The following GLIPR1L1 variants were observed in gnomAD, a reference collection of about 807,000 sequenced individuals.
GLIPR1L1 encodes the protein GLIPR1 like 1, also known as GLIPR1-like protein 1.
GLIPR1L1 carries 26 observed loss-of-function variants against 29.9 expected under a neutral mutation model. The observed-to-expected ratio is 0.87, with a 90% confidence interval of 0.64 to 1.21. The LOEUF (loss-of-function observed/expected upper bound fraction) is 1.21, where lower values mean the gene tolerates loss of function less well. GLIPR1L1 is among the 50% of genes most tolerant of loss of function. The probability of loss-of-function intolerance (pLI) is 0.00; values close to 1 mark genes in which losing one functional copy is unlikely to be tolerated. For synonymous variants in GLIPR1L1, 77 were observed against 97.5 expected (o/e 0.79, Z 1.24); for missense variants, 305 against 290.3 (o/e 1.05, Z -0.37).
At chr12:75,341,599 A>G (rs1256251597) in intron 1 of GLIPR1L1, among the ~76,000 whole-genome samples, 4 of 150,166 alleles carry the variant, frequency 2.7e-5, no homozygotes, top group Non-Finnish European at 5.9e-5. Context: ...GGCGCCCGCC[A>G]CCACGCCCGC....
chr12:75,347,101 A>C (rs2042503812), intron 2 of GLIPR1L1, among the ~76,000 whole-genome samples: 1 of 151,640 alleles, frequency 6.6e-6, no homozygotes, highest in Admixed American at 6.6e-5. Flanking sequence ...CACCATCCTT[A>C]CAGCAGGCAT....
intron 3 of GLIPR1L1, chr12:75,360,659 G>A (rs1438203711): frequency 6.6e-6 from 1 of 152,200 alleles, no homozygotes; most frequent in Non-Finnish European, 1.5e-5. Context: ...TTTTCCTGGT[G>A]CATGGTGCAA....
intron 3 of GLIPR1L1, among the ~76,000 whole-genome samples, chr12:75,356,820 C>T (rs2043185960): frequency 6.6e-6 from 1 of 151,980 alleles, no homozygotes; most frequent in African/African-American, 2.4e-5. Context: ...TTCTTTTTTT[C>T]ACTTTGAATA....
intron 1 of GLIPR1L1, among the ~76,000 whole-genome samples, chr12:75,340,136 C>CAT (rs1008079051): frequency 9.3e-5 from 14 of 149,990 alleles, no homozygotes; most frequent in Non-Finnish European, 1.6e-4. Flanking sequence ...TTTATACACA[C>CAT]ATATATATAA....
At position 75,369,145 on chromosome 12, in the gene GLIPR1L1, T is replaced by C. The variant is rs932558201; in HGVS notation, c.611-815T>C. ...TCAGATGGTTTAACTCAAGAGGTGA[T>C]TAAGCGTATTAAATATGATTAAATA... On this transcript the variant is annotated intron_variant, in intron 4 of 5. Coordinates refer to ENST00000378695, the MANE Select transcript of GLIPR1L1 (RefSeq NM_001304964.2). 1.2e-4 allele frequency among the ~76,000 whole-genome samples: 18 copies of C among 151,970 alleles called. 1 individual carries two copies. The highest frequency in any genetic ancestry group is 9.2e-4 in the Admixed American group (14 of 15,268).
In GLIPR1L1 at chr12:75,369,969, A is replaced by G. The variant is rs559310442; in HGVS notation, c.620A>G (p.Gln207Arg). 4 of 1,077,550 alleles carry G rather than the reference A, an allele frequency of 3.7e-6. No homozygotes were observed. The highest frequency in any genetic ancestry group is 5.3e-6 in the Non-Finnish European group (4 of 752,736). The allele number at this position is 1,077,550 out of a possible 1,614,324, so 66.7% of individuals were successfully genotyped here. ...KCVKNLCRTP[Q>R]LIIPNQNPFL... ...TTAATTTTTACTTTAGGGACTCCAC[A>G]ACTTATTATACCTAACCGTATGTAT... Residue 207 changes from glutamine to arginine, a missense_variant, in exon 5 of 6, where the codon CAA becomes CGA. Coordinates refer to ENST00000378695, the MANE Select transcript of GLIPR1L1 (RefSeq NM_001304964.2).
rs544926634 is a variant in GLIPR1L1 at position 75,336,085 on chromosome 12, G to A, written c.174+1183G>A. Among the ~76,000 whole-genome samples the A allele has an allele frequency of 9.1e-4, 138 of 151,666 alleles. 2 individuals carry two copies. The South Asian group carries it at 0.027, about 30-fold the overall frequency. ...ACCAATGCATAAAAAATGAAGTGAA[G>A]TGTCAATAGAATTATTCTGCTGAAA... On this transcript the variant is annotated intron_variant, in intron 1 of 5. Coordinates refer to ENST00000378695, the MANE Select transcript of GLIPR1L1 (RefSeq NM_001304964.2).
At chr12:75,347,812 A>AT in intron 3 of GLIPR1L1, 90 bp downstream of exon 3, 1 of 657,992 alleles carries the variant, frequency 1.5e-6, no homozygotes, top group South Asian at 2.2e-5. Context: ...ACACAAGTGT[A>AT]TTTTTGATAA....
intron 4 of GLIPR1L1, among the ~76,000 whole-genome samples, chr12:75,367,902 C>T (rs1187091868): frequency 1.3e-5 from 2 of 152,068 alleles, no homozygotes; most frequent in Non-Finnish European, 2.9e-5. Context: ...AATGTTTCAC[C>T]ATTGTGTATG....
intron 3 of GLIPR1L1, among the ~76,000 whole-genome samples, chr12:75,350,852 C>T (rs2042762003): frequency 1.3e-5 from 2 of 152,030 alleles, no homozygotes; most frequent in Admixed American, 6.6e-5. Context: ...CTGAGATGGA[C>T]GAATTGACAA....
At chr12:75,365,871 C>G (rs376671998) in intron 4 of GLIPR1L1, among the ~76,000 whole-genome samples, 2 of 152,190 alleles carry the variant, frequency 1.3e-5, no homozygotes, top group South Asian at 4.1e-4. Context: ...ATTAAACCAA[C>G]AATACCAAAT....
At chr12:75,346,516 G>A (rs2042459383) in intron 2 of GLIPR1L1, among the ~76,000 whole-genome samples, 1 of 151,952 alleles carries the variant, frequency 6.6e-6, no homozygotes, top group African/African-American at 2.4e-5. Context: ...TCAGCCTCCT[G>A]AGTAGCTAGG....
At chr12:75,334,973 G>A (rs979146349) in intron 1 of GLIPR1L1, 71 bp downstream of exon 1, 1 of 1,421,326 alleles carries the variant, frequency 7.0e-7, no homozygotes, top group Non-Finnish European at 9.7e-7. Flanking sequence ...TAAATTTCAC[G>A]GACTTAACTT....
intron 1 of GLIPR1L1, among the ~76,000 whole-genome samples, chr12:75,337,617 A>T (rs182705145): frequency 6.6e-6 from 1 of 151,724 alleles, no homozygotes; most frequent in Non-Finnish European, 1.5e-5. Context: ...TTAATGTACA[A>T]TTTTTTTTAC....
intron 4 of GLIPR1L1, among the ~76,000 whole-genome samples, chr12:75,369,286 G>T (rs940198699): frequency 6.6e-6 from 1 of 151,460 alleles, no homozygotes; most frequent in Non-Finnish European, 1.5e-5. Flanking sequence ...AGCATTCATC[G>T]CTGACATTAT....
intron 3 of GLIPR1L1, among the ~76,000 whole-genome samples, chr12:75,357,798 T>C (rs2043250188): frequency 6.6e-6 from 1 of 151,786 alleles, no homozygotes; most frequent in African/African-American, 2.4e-5. Context: ...TTAGAAAGTA[T>C]GCTGAACTGA....
intron 2 of GLIPR1L1, among the ~76,000 whole-genome samples, chr12:75,345,265 C>CT (rs539468616): frequency 3.3e-5 from 5 of 151,548 alleles, no homozygotes; most frequent in Admixed American, 1.3e-4. Context: ...CAGTTTCTAT[C>CT]TTTTTTTTTC....
chr12:75,343,329 T>A (rs1456405605), intron 1 of GLIPR1L1, among the ~76,000 whole-genome samples: 1 of 152,048 alleles, frequency 6.6e-6, no homozygotes, highest in Non-Finnish European at 1.5e-5. Flanking sequence ...TTTGCCCTTT[T>A]TAATTATCAA....
At chr12:75,344,850 C>CT (rs2042345284) in intron 2 of GLIPR1L1, among the ~76,000 whole-genome samples, 1 of 152,084 alleles carries the variant, frequency 6.6e-6, no homozygotes, top group African/African-American at 2.4e-5. Context: ...TAGTCCAGAG[C>CT]TGATAATGAT....
Sources: allele counts gnomAD v4.1 joint callset (sites outside exome capture counted in the v4.1 genomes callset), GRCh38; gene constraint gnomAD v4.1.1; transcripts MANE v1.5; gene names NCBI Gene and HGNC (gene_info 2026-07-23, HGNC 2026-07-21).